Variants in EEF1E1 observed in about 807,000 individuals in gnomAD.
EEF1E1 encodes eukaryotic translation elongation factor 1 epsilon-1.
EEF1E1 carries 19 observed loss-of-function variants against 19.9 expected under a neutral mutation model. That is an observed-to-expected ratio of 0.95 (90% confidence interval 0.66 to 1.40). EEF1E1 has a LOEUF of 1.40. Among genes scored for constraint, EEF1E1 ranks in the 40% most tolerant of loss-of-function variants. EEF1E1 has a pLI of 0.00. For missense variants in EEF1E1, 198 were observed against 202.2 expected (o/e 0.98, Z 0.13); for synonymous variants, 81 against 80.0 (o/e 1.01, Z -0.07).
chr6:8,075,786 T>A (rs1033963871), downstream of EEF1E1, among the ~76,000 whole-genome samples: 3 of 152,224 alleles, frequency 2.0e-5, no homozygotes, highest in Non-Finnish European at 2.9e-5. Context: ...CAATGCTATT[T>A]GATGGCATTT....
chr6:8,076,047 A>G (rs1185100088), downstream of EEF1E1, among the ~76,000 whole-genome samples: 1 of 152,036 alleles, frequency 6.6e-6, no homozygotes, highest in East Asian at 1.9e-4. Flanking sequence ...TCTGCTTCTA[A>G]TTTTACTTCT....
chr6:8,089,120 A>C (rs994218568), intron 3 of EEF1E1, among the ~76,000 whole-genome samples: 2 of 152,178 alleles, frequency 1.3e-5, no homozygotes, highest in African/African-American at 4.8e-5. Context: ...ACTTACAGGG[A>C]AAGGGTGGTG....
At chr6:8,098,325 G>T (rs1758231903) in intron 1 of EEF1E1, among the ~76,000 whole-genome samples, 1 of 151,502 alleles carries the variant, frequency 6.6e-6, no homozygotes, top group Admixed American at 6.6e-5. Flanking sequence ...TCACTATGTT[G>T]GTCAGGCTGG....
rs754567804 is a variant in EEF1E1, at chr6:8,102,534, G to C, written c.-13C>G. ...CGGCCGCCGCCATCTTCCGGCCGTAGCTCCTGGCAGACGCGAGACCTGCAG... is the reference window on the plus strand; with the variant it reads ...CGGCCGCCGCCATCTTCCGGCCGTACCTCCTGGCAGACGCGAGACCTGCAG... On this transcript the variant is annotated 5_prime_UTR_variant, in exon 1 of 4. Coordinates refer to ENST00000379715, the MANE Select transcript of EEF1E1 (RefSeq NM_004280.5). 1.9e-6 allele frequency: 3 copies of C among 1,608,670 alleles called. No individual in the cohort carries two copies. Among genetic ancestry groups the C allele is most frequent in the Non-Finnish European group, 2.5e-6 (3 of 1,179,864 alleles).
downstream of EEF1E1, among the ~76,000 whole-genome samples, chr6:8,077,274 T>C (rs1757623677): frequency 6.6e-6 from 1 of 152,280 alleles, no homozygotes; most frequent in East Asian, 1.9e-4. Context: ...GGCCCTAGGA[T>C]TTTTGGAATG....
intron 1 of EEF1E1, among the ~76,000 whole-genome samples, chr6:8,098,407 C>T (rs139260340): frequency 3.8e-4 from 58 of 152,226 alleles, no homozygotes; most frequent in African/African-American, 1.4e-3. Flanking sequence ...CGTGAGCCAC[C>T]GCGCCCGGCC....
chr6:8,102,209 G>C, intron 1 of EEF1E1: 1 of 684,470 alleles, frequency 1.5e-6, no homozygotes, highest in African/African-American at 1.9e-5. Context: ...AGGAGGTGAA[G>C]TTCAGGCCAA....
downstream of EEF1E1, among the ~76,000 whole-genome samples, chr6:8,077,895 G>T (rs1757636592): frequency 6.6e-6 from 1 of 152,118 alleles, no homozygotes. Context: ...AGGCTCAGGT[G>T]ATCCTCCCAC....
intron 3 of EEF1E1, chr6:8,073,634 T>A: frequency 7.5e-7 from 1 of 1,327,384 alleles, no homozygotes; most frequent in Non-Finnish European, 1.0e-6. Flanking sequence ...ACAGATATTT[T>A]AAAAAGTATT....
downstream of EEF1E1, chr6:8,078,774 T>C: frequency 7.8e-7 from 1 of 1,277,942 alleles, no homozygotes; most frequent in Non-Finnish European, 1.0e-6. Flanking sequence ...CCTTACTGAT[T>C]GCCAAGAGCT....
At chr6:8,077,312 G>A (rs1757624359), downstream of EEF1E1, among the ~76,000 whole-genome samples, 1 of 152,142 alleles carries the variant, frequency 6.6e-6, no homozygotes, top group Admixed American at 6.5e-5. Context: ...TCAACTTCAA[G>A]TCACCAGCTG....
Position 8,088,752 on chromosome 6 carries a change from C to T in EEF1E1, c.384+1434G>A, listed in dbSNP as rs9406092. Among the ~76,000 whole-genome samples the T allele has an allele frequency of 5.0e-3, 761 of 152,092 alleles. 29 individuals are homozygous for T. In the East Asian group the frequency reaches 0.07, roughly 14 times the overall value. On this transcript the variant is annotated intron_variant, in intron 3 of 3. Transcript: ENST00000379715. ...GCCTAGGAAAAAGGCAAGGCTGAGA[C>T]CAGGAAAAGGAGACAAGATAAGACA... is the stretch of plus-strand genomic sequence containing the variant.
At chr6:8,079,382 A>T, downstream of EEF1E1, 1 of 988,066 alleles carries the variant, frequency 1.0e-6, no homozygotes, top group South Asian at 4.6e-5. Flanking sequence ...GAAAGAAAGA[A>T]ACAACGAAAA....
At chr6:8,083,737 T>C (rs888699973) in intron 3 of EEF1E1, among the ~76,000 whole-genome samples, 1 of 152,242 alleles carries the variant, frequency 6.6e-6, no homozygotes, top group Non-Finnish European at 1.5e-5. Context: ...ATATTCCGTA[T>C]TGAATAACGT....
chr6:8,098,090 C>G (rs1329022153), intron 1 of EEF1E1, among the ~76,000 whole-genome samples: 4 of 151,692 alleles, frequency 2.6e-5, no homozygotes, highest in Non-Finnish European at 5.9e-5. Context: ...AAGACTGCTG[C>G]TCTTCTTAGC....
chr6:8,079,820 T>A lies in EEF1E1; in HGVS notation c.*70A>T. 2.0e-6 allele frequency: 3 copies of A among 1,516,568 alleles called. No individual in the cohort carries two copies. 93.9% of individuals were successfully genotyped at this position (1,516,568 alleles called of 1,614,324 possible). On this transcript the variant is annotated 3_prime_UTR_variant, in exon 4 of 4. Coordinates refer to ENST00000379715, the MANE Select transcript of EEF1E1 (RefSeq NM_004280.5). ...ATGACTGTATATTAATTTACATTAG[T>A]CCTGTGGTCTAGAGTACATTTTCCA...
chr6:8,085,966 G>A (rs1437271619), intron 3 of EEF1E1, among the ~76,000 whole-genome samples: 1 of 152,096 alleles, frequency 6.6e-6, no homozygotes, highest in Admixed American at 6.5e-5. Context: ...TTATACTTCT[G>A]TTGTCTCCCT....
chr6:8,086,034 A>G (rs4441993), intron 3 of EEF1E1, among the ~76,000 whole-genome samples: 17,369 of 152,156 alleles, frequency 0.11, 1,200 homozygotes, highest in South Asian at 0.2. Context: ...TTTAAAACTC[A>G]TAATAGTTTT....
downstream of EEF1E1, among the ~76,000 whole-genome samples, chr6:8,076,386 T>G (rs1030725124): frequency 2.0e-5 from 3 of 151,884 alleles, no homozygotes; most frequent in Middle Eastern, 3.2e-3. Flanking sequence ...TGCAGTGGCT[T>G]GATCTCGGCT....
Sources: allele counts gnomAD v4.1 joint callset (sites outside exome capture counted in the v4.1 genomes callset), GRCh38; gene constraint gnomAD v4.1.1; transcripts MANE v1.5; gene names NCBI Gene and HGNC (gene_info 2026-07-23, HGNC 2026-07-21).